Variants in FREM1 observed in about 807,000 individuals in gnomAD.
The protein encoded by FREM1 is FRAS1 related extracellular matrix 1, also known as FRAS1-related extracellular matrix protein 1.
A neutral mutation model predicts 210.1 loss-of-function variants in FREM1; 220 were observed. That is an observed-to-expected ratio of 1.05 (90% CI 0.94 to 1.17). The LOEUF is 1.17. Among genes scored for constraint, FREM1 ranks in the 50% most tolerant of loss-of-function variants. The pLI, the probability that FREM1 is intolerant of heterozygous loss-of-function variation, is 0.00. For synonymous variants in FREM1, 1,189 were observed against 980.2 expected, an observed-to-expected ratio of 1.21 and a Z score of -3.98; for missense variants, 3,454 against 2,675.5, an observed-to-expected ratio of 1.29 and a Z score of -6.42.
chr9:14,855,042 T>G (rs1354829392), intron 5 of FREM1, among the ~76,000 whole-genome samples: 1 of 152,092 alleles, frequency 6.6e-6, no homozygotes, highest in Non-Finnish European at 1.5e-5. Flanking sequence ...TTAGGGGCTT[T>G]TTTTTAAACT....
intron 27 of FREM1, among the ~76,000 whole-genome samples, chr9:14,762,927 T>C (rs1038586349): frequency 6.6e-6 from 1 of 152,164 alleles, no homozygotes; most frequent in East Asian, 1.9e-4. Context: ...TGGCATCATG[T>C]AAATGTCCAG....
At chr9:14,759,518 C>CTAATAATAATAATAATAATAAT (rs1845060283) in intron 28 of FREM1, among the ~76,000 whole-genome samples, 1 of 143,042 alleles carries the variant, frequency 7.0e-6, no homozygotes, top group African/African-American at 2.6e-5. Context: ...CTCAAAATAA[C>CTAATAATAATAATAATAATAAT]AATAATAATA....
chr9:14,747,501 T>A, intron 32 of FREM1, 73 bp from the exon 33 acceptor site: 1 of 1,448,764 alleles, frequency 6.9e-7, no homozygotes, highest in Non-Finnish European at 9.4e-7. Context: ...AAATGAGCAA[T>A]TCAAAAATTC....
chr9:14,753,907 T>A (rs1388474885), intron 29 of FREM1, among the ~76,000 whole-genome samples: 3 of 152,246 alleles, frequency 2.0e-5, no homozygotes, highest in African/African-American at 7.2e-5. Context: ...TCTTAAATTG[T>A]CTAAATAATA....
At chr9:14,839,913 A>C (rs1343036553) in intron 10 of FREM1, among the ~76,000 whole-genome samples, 1 of 152,218 alleles carries the variant, frequency 6.6e-6, no homozygotes, top group African/African-American at 2.4e-5. Flanking sequence ...TCAAGCAAAA[A>C]CTTAATCTAG....
At position 14,752,844 on chromosome 9, in the gene FREM1, A is replaced by AC. The variant is rs1256314550; in HGVS notation, c.5408-2569dup. Among the ~76,000 whole-genome samples, 16 of 151,622 alleles carry AC rather than the reference A, an allele frequency of 1.1e-4. No individual in the cohort carries two copies. The East Asian group carries it at 1.7e-3, about 17-fold the overall frequency. The stretch of plus-strand genomic sequence containing the variant: ...AAGGTTAATTTTTTAAAATTATAGT[A>AC]CCCCCCAAACAAACAAACAAACAAA... On this transcript the variant is annotated intron_variant, in intron 29 of 36. Coordinates refer to ENST00000380880, the MANE Select transcript of FREM1 (RefSeq NM_001379081.2).
chr9:14,907,541 A>G (rs1817980322), intron 1 of FREM1, among the ~76,000 whole-genome samples: 2 of 152,220 alleles, frequency 1.3e-5, no homozygotes, highest in Non-Finnish European at 2.9e-5. Context: ...CATCAGATTC[A>G]GACAAGATAA....
At chr9:14,907,986 C>T (rs1588699428) in intron 1 of FREM1, among the ~76,000 whole-genome samples, 3 of 152,186 alleles carry the variant, frequency 2.0e-5, no homozygotes, top group Admixed American at 1.3e-4. Context: ...CTGTGCATGC[C>T]ATCCCCAGTG....
At chr9:14,871,231 C>CTGACT (rs2131896912) in intron 1 of FREM1, among the ~76,000 whole-genome samples, 1 of 152,344 alleles carries the variant, frequency 6.6e-6, no homozygotes, top group African/African-American at 2.4e-5. Flanking sequence ...AATCACCACA[C>CTGACT]TGACTTCCAC....
intron 29 of FREM1, 85 bp from the exon 30 acceptor site, chr9:14,750,361 A>G (rs1392468572): frequency 9.4e-7 from 1 of 1,068,162 alleles, no homozygotes; most frequent in South Asian, 1.5e-5. Context: ...TAACATGTCT[A>G]CAGCTAGACT....
chr9:14,800,136 C>T (rs1316477647), intron 20 of FREM1, among the ~76,000 whole-genome samples: 1 of 152,066 alleles, frequency 6.6e-6, no homozygotes, highest in South Asian at 2.1e-4. Flanking sequence ...AGCTTACACA[C>T]TAGTTGGGGA....
At position 14,819,992 on chromosome 9, in the gene FREM1, G is replaced by C. The variant is rs374522260; in HGVS notation, c.2338-550C>G. On this transcript the variant is annotated intron_variant, in intron 13 of 36. Transcript: ENST00000380880. ...AAAATTGAAGATTCCAGAGGAAATA[G>C]ATTTATTCAAACATTAGACTTAAAT... Among the ~76,000 whole-genome samples, 18 of 152,278 alleles carry C rather than the reference G, an allele frequency of 1.2e-4. 1 individual carries two copies. In the South Asian group the frequency reaches 2.9e-3, roughly 25 times the overall value.
intron 10 of FREM1, among the ~76,000 whole-genome samples, chr9:14,828,307 T>C (rs1038571192): frequency 6.6e-6 from 1 of 152,212 alleles, no homozygotes; most frequent in African/African-American, 2.4e-5. Flanking sequence ...GCCTCAAGAC[T>C]TAATATTGTT....
chr9:14,750,517 T>C (rs1215898713), intron 29 of FREM1, among the ~76,000 whole-genome samples: 1 of 152,070 alleles, frequency 6.6e-6, no homozygotes, highest in Non-Finnish European at 1.5e-5. Context: ...TAAGCTGCAG[T>C]ATGCAAGGGA....
intron 1 of FREM1, among the ~76,000 whole-genome samples, chr9:14,889,819 T>G (rs1054665880): frequency 6.6e-6 from 1 of 152,142 alleles, no homozygotes; most frequent in Non-Finnish European, 1.5e-5. Flanking sequence ...TAAAATTTAT[T>G]GAATATAAGT....
chr9:14,775,891 G>T lies in FREM1; in HGVS notation c.4755C>A (p.Asp1585Glu). 6.2e-7 allele frequency: 1 copy of T among 1,613,840 alleles called. No individual in the cohort carries two copies. Among genetic ancestry groups the T allele is most frequent in the Non-Finnish European group, 8.5e-7 (1 of 1,179,754 alleles). The change falls in exon 25 of 37, where the codon GAC becomes GAA. Residue 1585 changes from aspartate to glutamate, a missense_variant. By Grantham distance (45) the Asp-to-Glu change is conservative (BLOSUM62 2). Coordinates refer to ENST00000380880, the MANE Select transcript of FREM1 (RefSeq NM_001379081.2). ...TGAAAGTAAAGCAGTCAGTCTGGGA[G>T]TCCCCTCCTGAGTGCCGATAGGCCA... Reference protein sequence around the residue: ...KNVAYRHSGGDSQTDCFTFMA... With the variant: ...KNVAYRHSGGESQTDCFTFMA...
chr9:14,903,644 C>T (rs1360026982), intron 1 of FREM1, among the ~76,000 whole-genome samples: 1 of 152,150 alleles, frequency 6.6e-6, no homozygotes, highest in African/African-American at 2.4e-5. Context: ...GTTATCACAT[C>T]CTACCTGGTA....
intron 18 of FREM1, among the ~76,000 whole-genome samples, chr9:14,805,793 C>T (rs960057837): frequency 6.6e-6 from 1 of 152,154 alleles, no homozygotes; most frequent in African/African-American, 2.4e-5. Context: ...ATTTATATGT[C>T]TTTGGAAGAC....
chr9:14,748,303 A>T, intron 31 of FREM1, 98 bp downstream of exon 31: 1 of 735,466 alleles, frequency 1.4e-6, no homozygotes, highest in Non-Finnish European at 2.3e-6. Flanking sequence ...TATGAGAATC[A>T]AAACAGCTTC....
Sources: gnomAD v4.1 joint callset for allele counts (sites outside exome capture counted in the v4.1 genomes callset) on GRCh38, gnomAD v4.1.1 for gene constraint, MANE v1.5 for transcripts, NCBI Gene and HGNC (gene_info 2026-07-23, HGNC 2026-07-21) for gene names.